Variants in APBB2 observed in about 807,000 individuals in gnomAD.
APBB2 encodes the protein Fe65-like 1.
APBB2 carries 38 observed loss-of-function variants against 82.5 expected under a neutral mutation model. The observed-to-expected ratio is 0.46, with a 90% confidence interval of 0.36 to 0.60. The LOEUF is 0.60. APBB2 is among the 20% of genes least tolerant of loss of function. The pLI, the probability that APBB2 is intolerant of heterozygous loss-of-function variation, is 0.00. For missense variants in APBB2, 772 were observed against 972.3 expected, an observed-to-expected ratio of 0.79 and a Z score of 2.74; for synonymous variants, 341 against 368.2, an observed-to-expected ratio of 0.93 and a Z score of 0.85.
intron 6 of APBB2, among the ~76,000 whole-genome samples, chr4:40,981,460 C>T (rs748796943): frequency 7.2e-5 from 11 of 152,150 alleles, no homozygotes; most frequent in African/African-American, 1.2e-4. Flanking sequence ...GATTGGGAAG[C>T]TGAAAATGAA....
chr4:40,827,135 G>A lies in APBB2; in HGVS notation c.1729C>T (p.Gln577Ter). The A allele has an allele frequency of 1.2e-6, 2 of 1,614,050 alleles. No individual in the cohort carries two copies. Among genetic ancestry groups the A allele is most frequent in the Non-Finnish European group, 1.7e-6 (2 of 1,179,924 alleles). ...RANVNLDVPL[Q>*]VDFPTPKTEL... ...ACATGAGGTGCCACTGACTTACCTT[G>A]CAAAGGGACATCGAGGTTCACATTG... Residue 577 changes from glutamine (Q) to a stop codon, truncating the protein, a stop_gained, in exon 14 of 18, where the codon CAA (glutamine) becomes TAA (stop). Coordinates refer to ENST00000508593, the MANE Select transcript of APBB2 (RefSeq NM_004307.2). LOFTEE classifies it high-confidence loss of function.
In APBB2 at chr4:41,033,226, T is replaced by C. The variant is rs777868895; in HGVS notation, c.19+10A>G. 2 of 1,550,250 alleles carry C rather than the reference T, an allele frequency of 1.3e-6. No individual in the cohort carries two copies. The highest frequency in any genetic ancestry group is 1.8e-6 in the Non-Finnish European group (2 of 1,125,054). ...TTCTCTGCATTGAAATATGAGAAAA[T>C]GTATCTGACCTGGAAGTACTTCTGA... On this transcript the variant is annotated intron_variant, in intron 5 of 17. Coordinates refer to ENST00000508593, the MANE Select transcript of APBB2 (RefSeq NM_004307.2).
At chr4:41,001,577 A>C (rs947116609) in intron 6 of APBB2, among the ~76,000 whole-genome samples, 7 of 152,184 alleles carry the variant, frequency 4.6e-5, no homozygotes, top group East Asian at 1.9e-4. Context: ...AAGTCTATGA[A>C]AAGCTCAAGA....
chr4:40,823,987 G>T (rs1312592567), intron 15 of APBB2, among the ~76,000 whole-genome samples: 3 of 152,078 alleles, frequency 2.0e-5, no homozygotes, highest in Non-Finnish European at 4.4e-5. Flanking sequence ...ATCATTTGAG[G>T]TCAGGAGTTC....
Position 40,816,617 on chromosome 4 carries a change from C to G in APBB2, c.2113-358G>C, listed in dbSNP as rs556850047. On this transcript the variant is annotated intron_variant, in intron 17 of 17. Transcript: ENST00000508593. ...CATTTTTCATCAGAGACATGCAAAT[C>G]TAGGCAGGTGCTCATGGTACACTGA... is the stretch of plus-strand genomic sequence containing the variant. 9.2e-5 allele frequency among the ~76,000 whole-genome samples: 14 copies of G among 152,272 alleles called. No homozygotes were observed. In the South Asian group the frequency reaches 2.7e-3, roughly 29 times the overall value.
At chr4:40,957,468 C>A (rs1791947129) in intron 6 of APBB2, among the ~76,000 whole-genome samples, 1 of 152,134 alleles carries the variant, frequency 6.6e-6, no homozygotes, top group Non-Finnish European at 1.5e-5. Context: ...TGGCTGTTTT[C>A]TGTCATGTAG....
At chr4:41,178,958 T>G (rs1770578365) in intron 1 of APBB2, among the ~76,000 whole-genome samples, 1 of 152,228 alleles carries the variant, frequency 6.6e-6, no homozygotes, top group Non-Finnish European at 1.5e-5. Context: ...CTACCTCTTT[T>G]CCTACTTTTC....
At chr4:40,844,462 T>C (rs1218660623) in intron 12 of APBB2, among the ~76,000 whole-genome samples, 1 of 152,182 alleles carries the variant, frequency 6.6e-6, no homozygotes, top group African/African-American at 2.4e-5. Flanking sequence ...ATCCAATAGC[T>C]TCATCTCTTC....
At chr4:40,865,082 T>C (rs1030706786) in intron 12 of APBB2, among the ~76,000 whole-genome samples, 19 of 152,152 alleles carry the variant, frequency 1.2e-4, no homozygotes, top group African/African-American at 4.6e-4. Flanking sequence ...GGTCTCGAAC[T>C]CCTAACCTCA....
At chr4:41,046,402 A>T (rs934323907) in intron 4 of APBB2, among the ~76,000 whole-genome samples, 1 of 151,764 alleles carries the variant, frequency 6.6e-6, no homozygotes, top group Admixed American at 6.6e-5. Flanking sequence ...ATCTCTTCGT[A>T]AAATCTACAC....
At chr4:41,157,725 T>A (rs1006024636) in intron 1 of APBB2, among the ~76,000 whole-genome samples, 148 of 152,334 alleles carry the variant, frequency 9.7e-4, no homozygotes, top group African/African-American at 3.4e-3. Flanking sequence ...GCGCAGTGGC[T>A]CACACCTGTA....
intron 2 of APBB2, among the ~76,000 whole-genome samples, chr4:41,130,759 C>G (rs538606257): frequency 6.6e-6 from 1 of 152,248 alleles, no homozygotes; most frequent in Admixed American, 6.5e-5. Context: ...AGACCACGCC[C>G]TCCCCACTTC....
At chr4:41,209,276 A>G (rs545285221) in intron 1 of APBB2, among the ~76,000 whole-genome samples, 1 of 152,200 alleles carries the variant, frequency 6.6e-6, no homozygotes, top group Admixed American at 6.5e-5. Context: ...TGAAAGCAAA[A>G]TGCACTAAAA....
chr4:41,137,345 C>T (rs1757864030), intron 2 of APBB2, among the ~76,000 whole-genome samples: 2 of 151,762 alleles, frequency 1.3e-5, no homozygotes, highest in African/African-American at 4.8e-5. Context: ...AAATGCAGAA[C>T]AGGTATAAAA....
At chr4:41,168,364 T>A (rs566707882) in intron 1 of APBB2, among the ~76,000 whole-genome samples, 48 of 152,180 alleles carry the variant, frequency 3.2e-4, no homozygotes, top group African/African-American at 6.7e-4. Flanking sequence ...AACATTTTTT[T>A]AATTATTTAT....
chr4:41,203,044 T>C (rs1423021124), intron 1 of APBB2, among the ~76,000 whole-genome samples: 1 of 152,044 alleles, frequency 6.6e-6, no homozygotes, highest in African/African-American at 2.4e-5. Flanking sequence ...AAGATAATCA[T>C]GCCACAAATC....
At chr4:41,123,441 G>T (rs989887875) in intron 2 of APBB2, among the ~76,000 whole-genome samples, 1 of 152,128 alleles carries the variant, frequency 6.6e-6, no homozygotes, top group Non-Finnish European at 1.5e-5. Flanking sequence ...ATTAAAAGAT[G>T]AGCTTATGGA....
chr4:41,025,885 T>C (rs1055116236), intron 5 of APBB2, among the ~76,000 whole-genome samples: 10 of 138,670 alleles, frequency 7.2e-5, no homozygotes, highest in African/African-American at 2.7e-4. Flanking sequence ...GAGGTGGCAT[T>C]GAGCCAAGAT....
At chr4:40,844,923 T>G (rs2154317533) in intron 12 of APBB2, among the ~76,000 whole-genome samples, 1 of 152,364 alleles carries the variant, frequency 6.6e-6, no homozygotes, top group African/African-American at 2.4e-5. Flanking sequence ...TGACAAAAAC[T>G]TTAAAAATCT....
Sources: gnomAD v4.1 joint callset for allele counts (sites outside exome capture counted in the v4.1 genomes callset) on GRCh38, gnomAD v4.1.1 for gene constraint, MANE v1.5 for transcripts, NCBI Gene and HGNC (gene_info 2026-07-23, HGNC 2026-07-21) for gene names.